Variants in KIFAP3 observed in about 807,000 individuals in gnomAD.
KIFAP3 encodes the protein kinesin-associated protein 3.
Under a neutral mutation model 106.5 loss-of-function variants are expected in KIFAP3, and 68 were observed. The ratio of observed to expected loss-of-function variants is 0.64; its 90% CI spans 0.53 to 0.78. The LOEUF (loss-of-function observed/expected upper bound fraction) is 0.78, where lower values mean the gene tolerates loss of function less well. Among genes scored for constraint, KIFAP3 ranks in the 30% least tolerant of loss-of-function variants. The pLI is 0.00. For synonymous variants in KIFAP3, 320 were observed against 311.5 expected, an observed-to-expected ratio of 1.03 and a Z score of -0.29; for missense variants, 780 against 941.8, an observed-to-expected ratio of 0.83 and a Z score of 2.25.
chr1:170,066,838 CT>C (rs1671471867), intron 1 of KIFAP3, among the ~76,000 whole-genome samples: 1 of 152,142 alleles, frequency 6.6e-6, no homozygotes, highest in African/African-American at 2.4e-5. Context: ...AATTGAATCT[CT>C]GAGAACTAAT....
At chr1:170,043,619 G>C (rs1005664030) in intron 3 of KIFAP3, among the ~76,000 whole-genome samples, 33 of 152,142 alleles carry the variant, frequency 2.2e-4, no homozygotes, top group African/African-American at 8.0e-4. Flanking sequence ...AGTTAACAAG[G>C]GAATGGTGAA....
At chr1:170,055,575 A>G in intron 1 of KIFAP3, 139 bp from the exon 2 acceptor site, 1 of 559,310 alleles carries the variant, frequency 1.8e-6, no homozygotes. Context: ...GGGATTAGAG[A>G]TAACTCTTTT....
chr1:169,983,556 T>C (rs1666641573), intron 12 of KIFAP3, among the ~76,000 whole-genome samples, 174 bp from the exon 13 acceptor site: 1 of 151,952 alleles, frequency 6.6e-6, no homozygotes, highest in Non-Finnish European at 1.5e-5. Flanking sequence ...CAGAGTATTT[T>C]CATTCCCTCC....
chr1:170,006,741 G>T (rs1170200357), intron 10 of KIFAP3, among the ~76,000 whole-genome samples: 5 of 152,112 alleles, frequency 3.3e-5, no homozygotes, highest in Admixed American at 1.3e-4. Context: ...CAGAGATCGG[G>T]AGCTTAATTT....
chr1:170,026,790 T>C (rs1669130856), intron 8 of KIFAP3, among the ~76,000 whole-genome samples: 2 of 152,182 alleles, frequency 1.3e-5, no homozygotes, highest in South Asian at 4.1e-4. Flanking sequence ...CCATAATTCA[T>C]GCATTAGTGG....
intron 8 of KIFAP3, among the ~76,000 whole-genome samples, chr1:170,030,103 C>T (rs1177849490): frequency 1.3e-5 from 2 of 151,562 alleles, no homozygotes; most frequent in African/African-American, 4.8e-5. Context: ...AACCATGATC[C>T]AAAAAACACT....
chr1:170,071,333 A>C (rs1571773325), intron 1 of KIFAP3, among the ~76,000 whole-genome samples: 1 of 152,240 alleles, frequency 6.6e-6, no homozygotes, highest in South Asian at 2.1e-4. Context: ...GAAACAACCC[A>C]AATGTCCACC....
At chr1:170,076,809 G>A (rs773254548), upstream of KIFAP3, among the ~76,000 whole-genome samples, 2 of 152,178 alleles carry the variant, frequency 1.3e-5, no homozygotes, top group African/African-American at 4.8e-5. Context: ...ATAATTTAAA[G>A]TGAGGCAAAG....
intron 1 of KIFAP3, among the ~76,000 whole-genome samples, chr1:170,065,306 TTTTTC>T (rs1671379202): frequency 6.6e-6 from 1 of 152,128 alleles, no homozygotes; most frequent in Non-Finnish European, 1.5e-5. Context: ...TTGCTTTTCT[TTTTTC>T]TTTATAAAAG....
chr1:169,939,707 T>C (rs1305550237), intron 19 of KIFAP3, among the ~76,000 whole-genome samples: 1 of 151,902 alleles, frequency 6.6e-6, no homozygotes, highest in Non-Finnish European at 1.5e-5. Context: ...GCAAAGAACA[T>C]TGGGAAGAAA....
chr1:170,062,099 A>G (rs1671191950), intron 1 of KIFAP3, among the ~76,000 whole-genome samples: 1 of 152,088 alleles, frequency 6.6e-6, no homozygotes, highest in East Asian at 1.9e-4. Flanking sequence ...CCAACATGGC[A>G]TATGTATACC....
At chr1:169,984,535 C>T (rs766696686) in intron 12 of KIFAP3, 47 bp downstream of exon 12, 18 of 822,484 alleles carry the variant, frequency 2.2e-5, no homozygotes, top group Non-Finnish European at 3.7e-5. Flanking sequence ...CCATCATATA[C>T]CAAATACCAT....
At chr1:169,947,940 A>T (rs606409) in intron 19 of KIFAP3, among the ~76,000 whole-genome samples, 140,954 of 150,710 alleles carry the variant, frequency 0.94, 66,006 homozygotes, top group East Asian at 0.99. Flanking sequence ...TTACTTAGAG[A>T]ACCAGTGTAA....
In KIFAP3 at chr1:169,984,680, A is replaced by T; in HGVS notation, c.1295T>A (p.Met432Lys). 1 of 1,591,118 alleles carries T rather than the reference A, an allele frequency of 6.3e-7. No individual in the cohort carries two copies. The highest frequency in any genetic ancestry group is 2.2e-5 in the East Asian group (1 of 44,586). ...YTDCIPQLMK[M>K]LFECSDERID... is the part of the protein sequence containing the mutation. ...TCGTTCATCTGAACATTCAAACAGC[A>T]TCTTCATTAACTAGCAAGAAGCACA... The change falls in exon 12 of 20, where the codon ATG becomes AAG. Residue 432 changes from methionine to lysine, a missense_variant. By Grantham distance (95) the Met-to-Lys change is moderately conservative. Transcript: ENST00000361580.
intron 10 of KIFAP3, among the ~76,000 whole-genome samples, chr1:169,993,987 C>G (rs1667249707): frequency 6.6e-6 from 1 of 152,212 alleles, no homozygotes; most frequent in Admixed American, 6.5e-5. Flanking sequence ...TCCATGAAAG[C>G]AAGGACTTTA....
chr1:169,993,404 C>T (rs1458285730), intron 10 of KIFAP3, among the ~76,000 whole-genome samples: 1 of 151,754 alleles, frequency 6.6e-6, no homozygotes, highest in Admixed American at 6.6e-5. Flanking sequence ...GCCACCGCGC[C>T]TGGCCCTAAA....
At chr1:169,929,312 G>GT (rs973738054) in intron 19 of KIFAP3, among the ~76,000 whole-genome samples, 16 of 152,164 alleles carry the variant, frequency 1.1e-4, no homozygotes. Context: ...TTTTGTGAAT[G>GT]TTGGGTGCCT....
In KIFAP3 at chr1:169,961,037, G is replaced by T; in HGVS notation, c.2173+9C>A. ...ATAATAAACTGTTTACTTTCGCTTT[G>T]GTTATCACCTGAGTTGTAGAAAAGG... On this transcript the variant is annotated intron_variant, in intron 18 of 19. Coordinates refer to ENST00000361580, the MANE Select transcript of KIFAP3 (RefSeq NM_014970.4). 1 of 1,606,528 alleles carries T rather than the reference G, an allele frequency of 6.2e-7. No individual in the cohort carries two copies. Among genetic ancestry groups the T allele is most frequent in the Non-Finnish European group, 8.5e-7 (1 of 1,175,914 alleles).
chr1:169,956,668 G>C (rs1323927575), intron 18 of KIFAP3, among the ~76,000 whole-genome samples: 1 of 145,606 alleles, frequency 6.9e-6, no homozygotes, highest in East Asian at 2.0e-4. Context: ...AGGCTGGAGT[G>C]CAGCGGTACA....
Sources: allele counts gnomAD v4.1 joint callset (sites outside exome capture counted in the v4.1 genomes callset), GRCh38; gene constraint gnomAD v4.1.1; transcripts MANE v1.5; gene names NCBI Gene and HGNC (gene_info 2026-07-23, HGNC 2026-07-21).